Variants in ZC3H3 observed in about 807,000 individuals in gnomAD.
ZC3H3 encodes the protein zinc finger CCCH domain-containing protein 3.
In ZC3H3, 36 loss-of-function variants were observed where a neutral mutation model predicts 77.3. The ratio of observed to expected loss-of-function variants is 0.47; its 90% CI spans 0.36 to 0.61. The LOEUF (loss-of-function observed/expected upper bound fraction) is 0.61. Among genes scored for constraint, ZC3H3 ranks in the 20% least tolerant of loss-of-function variants. ZC3H3 has a pLI of 0.00. For synonymous variants in ZC3H3, 626 were observed against 555.2 expected (o/e 1.13, Z -1.79); for missense variants, 1,331 against 1,312.2 (o/e 1.01, Z -0.22).
chr8:143,475,051 G>A (rs1158877185), intron 5 of ZC3H3, among the ~76,000 whole-genome samples: 1 of 152,244 alleles, frequency 6.6e-6, no homozygotes, highest in East Asian at 1.9e-4. Flanking sequence ...AGCCACGCGA[G>A]GTGGGCGCCA....
chr8:143,438,050 G>A lies in ZC3H3; in HGVS notation c.*6C>T. 1 of 1,610,638 alleles carries A rather than the reference G, an allele frequency of 6.2e-7. No homozygotes were observed. Among genetic ancestry groups the A allele is most frequent in the Non-Finnish European group, 8.5e-7 (1 of 1,178,730 alleles). On this transcript the variant is annotated 3_prime_UTR_variant, in exon 12 of 12. Coordinates refer to ENST00000262577, the MANE Select transcript of ZC3H3 (RefSeq NM_015117.3). ...TGAGGTAGGTGCAGGCCGGTCCCTG[G>A]GGTCCTCACAGACGTGGTTTGATGT... is the stretch of plus-strand genomic sequence containing the variant.
In ZC3H3 at chr8:143,541,406, T is replaced by TCTC. The variant is rs1563893841; in HGVS notation, c.13_15dup (p.Glu5dup). On this transcript the variant is annotated inframe_insertion, in exon 1 of 12. Coordinates refer to ENST00000262577, the MANE Select transcript of ZC3H3 (RefSeq NM_015117.3). ...AGTAGGCGGATCTGCCGCCGTAATA[T>TCTC]CTCCTTTTCCTCCATCTCCCGAGTC... 3 of 1,611,746 alleles carry TCTC rather than the reference T, an allele frequency of 1.9e-6. No homozygotes were observed. The highest frequency in any genetic ancestry group is 4.5e-5 in the East Asian group (2 of 44,700).
rs2129959861 is a variant in ZC3H3, at chr8:143,489,242, C to T, written c.1716-13657G>A. On this transcript the variant is annotated intron_variant, in intron 4 of 11. Coordinates refer to ENST00000262577, the MANE Select transcript of ZC3H3 (RefSeq NM_015117.3). ...TCTGGTACCTATGCCCTAACTGAAT[C>T]CTATCCTTGCTCTGCCACTCTCCAT... Among the ~76,000 whole-genome samples the T allele has an allele frequency of 1.3e-5, 2 of 152,298 alleles. 1 individual carries two copies. The highest frequency in any genetic ancestry group is 4.1e-4 in the South Asian group (2 of 4,826).
At chr8:143,541,300 G>C (rs1355192084) in intron 1 of ZC3H3, 76 bp downstream of exon 1, 15 of 1,589,000 alleles carry the variant, frequency 9.4e-6, no homozygotes, top group Non-Finnish European at 1.3e-5. Flanking sequence ...CGACCCCTTC[G>C]ACAAGGGGGC....
chr8:143,516,316 G>C (rs942934504), intron 3 of ZC3H3, among the ~76,000 whole-genome samples: 1 of 152,198 alleles, frequency 6.6e-6, no homozygotes. Context: ...AGGAGCCCCT[G>C]TATGTGGTGG....
chr8:143,538,555 T>C lies in ZC3H3; in HGVS notation c.812A>G (p.Asp271Gly). Residue 271 changes from aspartate (D) to glycine (G), a missense_variant, in exon 2 of 12, where the codon GAT becomes GGT. By Grantham distance (94) the Asp-to-Gly change is moderately conservative. Around this residue, in one of 3 missense-constraint regions of ZC3H3, gnomAD observed 978 missense variants for 915.5 expected, o/e 1.07. Coordinates refer to ENST00000262577, the MANE Select transcript of ZC3H3 (RefSeq NM_015117.3). The part of the protein sequence containing the change: ...GDRRVDAGHT[D>G]QPVPSGSVGG... ...CACTGAGCCAGACGGAACTGGCTGATCTGTGTGGCCAGCATCTACTCTCCT... is the reference window on the plus strand; with the variant it reads ...CACTGAGCCAGACGGAACTGGCTGACCTGTGTGGCCAGCATCTACTCTCCT... 6.2e-7 allele frequency: 1 copy of C among 1,611,526 alleles called. No individual in the cohort carries two copies. Among genetic ancestry groups the C allele is most frequent in the East Asian group, 2.2e-5 (1 of 44,856 alleles).
Position 143,468,687 on chromosome 8 carries a change from G to A in ZC3H3, c.1904-28C>T, listed in dbSNP as rs776639215. On this transcript the variant is annotated intron_variant, in intron 5 of 11. Coordinates refer to ENST00000262577, the MANE Select transcript of ZC3H3 (RefSeq NM_015117.3). ...GTGGGGGAGAGAGGCACGGGTCATA[G>A]CAGGCCACAGCCTGGCCCGCACGCC... The A allele has an allele frequency of 1.2e-5, 18 of 1,542,386 alleles. No individual in the cohort carries two copies. In the South Asian group the frequency reaches 1.9e-4, roughly 16 times the overall value.
At chr8:143,455,421 G>A (rs367580300) in intron 9 of ZC3H3, among the ~76,000 whole-genome samples, 12 of 151,700 alleles carry the variant, frequency 7.9e-5, no homozygotes, top group South Asian at 2.1e-4. Context: ...GCTTGAACCC[G>A]GAAGGCAGAG....
intron 3 of ZC3H3, among the ~76,000 whole-genome samples, chr8:143,517,828 G>T (rs891108590): frequency 6.6e-6 from 1 of 152,146 alleles, no homozygotes; most frequent in Non-Finnish European, 1.5e-5. Context: ...CTCCCTCCCC[G>T]AATCTCCAGG....
intron 4 of ZC3H3, among the ~76,000 whole-genome samples, chr8:143,506,322 C>T (rs1563866462): frequency 1.3e-5 from 2 of 152,314 alleles, no homozygotes. Context: ...GAAGCAGGAG[C>T]GGAGAATCCA....
chr8:143,485,437 C>T (rs374493841), intron 4 of ZC3H3, among the ~76,000 whole-genome samples: 2 of 152,168 alleles, frequency 1.3e-5, no homozygotes, highest in Non-Finnish European at 2.9e-5. Context: ...ACCCGAGTGA[C>T]GCAGGCGCCC....
At chr8:143,459,727 G>A (rs1563839212) in intron 9 of ZC3H3, among the ~76,000 whole-genome samples, 1 of 151,782 alleles carries the variant, frequency 6.6e-6, no homozygotes. Context: ...CATTTCAATT[G>A]ATCTACAAAA....
At chr8:143,466,786 C>T (rs1820419974) in intron 8 of ZC3H3, among the ~76,000 whole-genome samples, 1 of 152,228 alleles carries the variant, frequency 6.6e-6, no homozygotes, top group African/African-American at 2.4e-5. Context: ...CTCCCAGGGC[C>T]TTCCTCCCTC....
intron 4 of ZC3H3, among the ~76,000 whole-genome samples, chr8:143,491,758 G>A (rs1821210169): frequency 6.6e-6 from 1 of 152,258 alleles, no homozygotes; most frequent in African/African-American, 2.4e-5. Context: ...GGGAGGCAGA[G>A]GCCGTGCAGG....
chr8:143,483,628 G>C (rs79792035), intron 4 of ZC3H3, among the ~76,000 whole-genome samples: 23,027 of 152,216 alleles, frequency 0.15, 2,045 homozygotes, highest in Middle Eastern at 0.27. Context: ...ACGATCTCAG[G>C]GGCAGGGCTA....
intron 5 of ZC3H3, among the ~76,000 whole-genome samples, chr8:143,474,569 C>A (rs34668069): frequency 6.7e-6 from 1 of 149,736 alleles, no homozygotes; most frequent in Non-Finnish European, 1.5e-5. Flanking sequence ...CAGGGAGGTA[C>A]GCTTCCTGCC....
In ZC3H3 at chr8:143,473,357, C is replaced by CAG. The variant is rs1586899615; in HGVS notation, c.1903+2040_1903+2041insCT. Among the ~76,000 whole-genome samples the CAG allele has an allele frequency of 2.0e-5, 3 of 152,202 alleles. No individual in the cohort carries two copies. The East Asian group carries it at 5.8e-4, about 29-fold the overall frequency. On this transcript the variant is annotated intron_variant, in intron 5 of 11. Coordinates refer to ENST00000262577, the MANE Select transcript of ZC3H3 (RefSeq NM_015117.3). ...TTTTCAGCTCATGAGAAAGGCCTCC[C>CAG]TGACCACCTGACTGGACACGAGTCT...
At chr8:143,465,967 G>T (rs2129868301) in intron 8 of ZC3H3, 119 bp from the exon 9 acceptor site, 1 of 1,361,418 alleles carries the variant, frequency 7.3e-7, no homozygotes, top group African/African-American at 1.4e-5. Context: ...GGCACCAGCA[G>T]GCAGGAAGGG....
intron 3 of ZC3H3, among the ~76,000 whole-genome samples, chr8:143,520,983 CCA>C (rs1822223209): frequency 6.6e-6 from 1 of 152,172 alleles, no homozygotes; most frequent in Non-Finnish European, 1.5e-5. Flanking sequence ...AGCAAGTTTC[CCA>C]CACACACTCA....
Sources: allele counts gnomAD v4.1 joint callset (sites outside exome capture counted in the v4.1 genomes callset), GRCh38; gene constraint gnomAD v4.1.1; regional missense constraint gnomAD v4.1.1; transcripts MANE v1.5; gene names NCBI Gene and HGNC (gene_info 2026-07-23, HGNC 2026-07-21).